The following MARCHF1 variants were observed in gnomAD, a reference collection of about 807,000 sequenced individuals.
The protein encoded by MARCHF1 is membrane associated ring-CH-type finger 1.
In MARCHF1, 40 loss-of-function variants were observed where a neutral mutation model predicts 54.2. That is an observed-to-expected ratio of 0.74 (90% CI 0.57 to 0.96). The LOEUF (loss-of-function observed/expected upper bound fraction) is 0.96. Ranked by LOEUF, MARCHF1 falls within the 40% of genes least tolerant of loss-of-function variation. The pLI, the probability that MARCHF1 is intolerant of heterozygous loss-of-function variation, is 0.00. For missense variants in MARCHF1, 586 were observed against 656.5 expected (o/e 0.89, Z 1.17); for synonymous variants, 236 against 236.3 (o/e 1.00, Z 0.01).
chr4:163,627,450 C>T (rs1741910852), intron 5 of MARCHF1, among the ~76,000 whole-genome samples: 1 of 152,160 alleles, frequency 6.6e-6, no homozygotes, highest in African/African-American at 2.4e-5. Context: ...ACACTTGACC[C>T]TCTTTCTGCC....
At chr4:164,291,007 T>C (rs1054237302) in intron 1 of MARCHF1, among the ~76,000 whole-genome samples, 1 of 151,996 alleles carries the variant, frequency 6.6e-6, no homozygotes, top group Non-Finnish European at 1.5e-5. Context: ...TTTTAAATTA[T>C]GATGCTTATC....
At chr4:164,349,934 C>A (rs546898488) in intron 1 of MARCHF1, among the ~76,000 whole-genome samples, 1 of 152,112 alleles carries the variant, frequency 6.6e-6, no homozygotes, top group Non-Finnish European at 1.5e-5. Context: ...AACATGAAAG[C>A]TGGAATTTCA....
At chr4:163,958,994 T>C (rs1752286261) in intron 3 of MARCHF1, among the ~76,000 whole-genome samples, 1 of 151,674 alleles carries the variant, frequency 6.6e-6, no homozygotes, top group Non-Finnish European at 1.5e-5. Context: ...TTTAGAAAAA[T>C]GAAGGCAATT....
chr4:164,278,952 CTATACA>C (rs985090856), intron 1 of MARCHF1, among the ~76,000 whole-genome samples: 6 of 151,958 alleles, frequency 3.9e-5, no homozygotes, highest in African/African-American at 1.2e-4. Flanking sequence ...CTGTGCATGC[CTATACA>C]TATACACACA....
At chr4:164,053,055 A>T (rs1441427785) in intron 2 of MARCHF1, among the ~76,000 whole-genome samples, 1 of 152,144 alleles carries the variant, frequency 6.6e-6, no homozygotes. Context: ...GCAGTCAACA[A>T]CTCAAGTTTT....
At chr4:163,775,900 A>G (rs1003600637) in intron 4 of MARCHF1, among the ~76,000 whole-genome samples, 5 of 152,160 alleles carry the variant, frequency 3.3e-5, no homozygotes, top group African/African-American at 9.7e-5. Flanking sequence ...ATGAGCATCT[A>G]CAGGTGATCA....
intron 3 of MARCHF1, among the ~76,000 whole-genome samples, chr4:163,975,592 C>G (rs1378558936): frequency 3.3e-5 from 5 of 152,148 alleles, no homozygotes; most frequent in African/African-American, 1.2e-4. Flanking sequence ...AGGTAAACAT[C>G]CCAGGATTAA....
At chr4:164,088,149 TG>T (rs1198520548) in intron 2 of MARCHF1, among the ~76,000 whole-genome samples, 1 of 152,184 alleles carries the variant, frequency 6.6e-6, no homozygotes, top group African/African-American at 2.4e-5. Flanking sequence ...AAAATGTGTT[TG>T]TGTGTTTCCC....
chr4:164,015,468 C>G (rs1004309311), intron 2 of MARCHF1, among the ~76,000 whole-genome samples: 1 of 151,998 alleles, frequency 6.6e-6, no homozygotes, highest in Non-Finnish European at 1.5e-5. Flanking sequence ...TCACATCAAG[C>G]TAAAAAAGCT....
chr4:163,994,308 G>A (rs897344735), intron 2 of MARCHF1, among the ~76,000 whole-genome samples: 1 of 149,826 alleles, frequency 6.7e-6, no homozygotes, highest in African/African-American at 2.5e-5. Context: ...GTGTGAGTGT[G>A]GTGGGGAGGA....
At chr4:164,137,819 AAAAAT>A (rs1756433814) in intron 1 of MARCHF1, among the ~76,000 whole-genome samples, 2 of 152,198 alleles carry the variant, frequency 1.3e-5, no homozygotes, top group African/African-American at 2.4e-5. Flanking sequence ...CCAAAGCAAG[AAAAAT>A]AAAATAAAAT....
At position 163,579,355 on chromosome 4, in the gene MARCHF1, G is replaced by A. The variant is rs546830950; in HGVS notation, c.1191+6394C>T. Among the ~76,000 whole-genome samples, 7 of 152,284 alleles carry A rather than the reference G, an allele frequency of 4.6e-5. No homozygotes were observed. The South Asian group carries it at 1.4e-3, about 32-fold the overall frequency. ...AAAACAAAACAAAGACAAAAAATTA[G>A]TAAAAAAGATTAATGCTGCAATCAA... On this transcript the variant is annotated intron_variant, in intron 8 of 9. Coordinates refer to ENST00000514618, the MANE Select transcript of MARCHF1 (RefSeq NM_001394959.1).
chr4:163,525,367 G>A lies in MARCHF1; in HGVS notation c.*3381C>T, dbSNP rs1738065534. On this transcript the variant is annotated 3_prime_UTR_variant, in exon 10 of 10. Coordinates refer to ENST00000514618, the MANE Select transcript of MARCHF1 (RefSeq NM_001394959.1). ...TAATCACGTGTAGAAGCAGCGCAGA[G>A]TGAGATTTAATGCTGGGGTGTTTTG... The A allele has an allele frequency of 6.6e-6, 1 of 152,144 alleles. No homozygotes were observed. Among genetic ancestry groups the A allele is most frequent in the Admixed American group, 6.6e-5 (1 of 15,256 alleles). The allele number at this position is 152,144 out of a possible 1,614,324, so 9.4% of individuals were successfully genotyped here. A position where few individuals can be genotyped will look rare whatever the true frequency, so the allele number is the denominator to read the frequency against.
intron 1 of MARCHF1, among the ~76,000 whole-genome samples, chr4:164,197,899 C>G (rs1011655434): frequency 6.6e-6 from 1 of 152,054 alleles, no homozygotes; most frequent in African/African-American, 2.4e-5. Flanking sequence ...AACAATTATT[C>G]AAGTATATGG....
At chr4:164,165,726 G>C (rs1406086775) in intron 1 of MARCHF1, among the ~76,000 whole-genome samples, 3 of 151,950 alleles carry the variant, frequency 2.0e-5, no homozygotes, top group Non-Finnish European at 4.4e-5. Context: ...TAATACTGGG[G>C]TGGGCATTGA....
At chr4:164,267,312 TC>T (rs1733635535) in intron 1 of MARCHF1, among the ~76,000 whole-genome samples, 1 of 152,208 alleles carries the variant, frequency 6.6e-6, no homozygotes, top group Non-Finnish European at 1.5e-5. Flanking sequence ...GGTACTTGTT[TC>T]TATTGAATAG....
intron 3 of MARCHF1, among the ~76,000 whole-genome samples, chr4:163,883,301 A>G (rs1245803291): frequency 3.3e-5 from 5 of 150,072 alleles, no homozygotes; most frequent in Non-Finnish European, 7.4e-5. Flanking sequence ...ATTTAACTCA[A>G]TTATTGTTGA....
intron 5 of MARCHF1, among the ~76,000 whole-genome samples, chr4:163,695,028 A>G (rs1301922719): frequency 6.6e-6 from 1 of 152,090 alleles, no homozygotes; most frequent in Non-Finnish European, 1.5e-5. Context: ...AACCTACCAA[A>G]CTTACCCTCT....
intron 1 of MARCHF1, among the ~76,000 whole-genome samples, chr4:164,373,740 T>G (rs1731105776): frequency 6.6e-6 from 1 of 152,204 alleles, no homozygotes; most frequent in Non-Finnish European, 1.5e-5. Context: ...ATAAAAATAT[T>G]CTGCCTCTAA....
Sources: gnomAD v4.1 joint callset for allele counts (sites outside exome capture counted in the v4.1 genomes callset) on GRCh38, gnomAD v4.1.1 for gene constraint, MANE v1.5 for transcripts, NCBI Gene and HGNC (gene_info 2026-07-23, HGNC 2026-07-21) for gene names.